Variants in STK38 observed in about 807,000 individuals in gnomAD.
STK38 encodes the protein serine/threonine kinase 38.
Under a neutral mutation model 59.0 loss-of-function variants are expected in STK38, and 26 were observed. The ratio of observed to expected loss-of-function variants is 0.44; its 90% CI spans 0.32 to 0.61. The LOEUF (loss-of-function observed/expected upper bound fraction) is 0.61, where lower values mean the gene tolerates loss of function less well. Among genes scored for constraint, STK38 ranks in the 20% least tolerant of loss-of-function variants. The pLI, the probability that STK38 is intolerant of heterozygous loss-of-function variation, is 0.04. For missense variants in STK38, 433 were observed against 566.0 expected, an observed-to-expected ratio of 0.76 and a Z score of 2.38; for synonymous variants, 175 against 176.6, an observed-to-expected ratio of 0.99 and a Z score of 0.07.
chr6:36,503,853 C>T (rs1318018901), intron 9 of STK38, among the ~76,000 whole-genome samples: 1 of 152,164 alleles, frequency 6.6e-6, no homozygotes, highest in African/African-American at 2.4e-5. Context: ...CGCATTTTAC[C>T]ACACTTTTTA....
intron 8 of STK38, among the ~76,000 whole-genome samples, chr6:36,506,986 A>C (rs1302990068): frequency 1.3e-5 from 2 of 152,136 alleles, no homozygotes; most frequent in Non-Finnish European, 1.5e-5. Context: ...AATTTCTCAA[A>C]ATTACCATCA....
intron 3 of STK38, 50 bp downstream of exon 3, chr6:36,525,541 T>C (rs763410177): frequency 3.8e-6 from 6 of 1,565,934 alleles, no homozygotes; most frequent in Middle Eastern, 1.7e-4. Context: ...CTGGACAAGA[T>C]ACAACCTGCC....
chr6:36,537,856 G>C (rs1023824340), intron 2 of STK38, among the ~76,000 whole-genome samples: 23 of 151,706 alleles, frequency 1.5e-4, no homozygotes, highest in African/African-American at 5.1e-4. Flanking sequence ...CTATGATAGT[G>C]CCACTGCACA....
intron 8 of STK38, 64 bp from the exon 9 acceptor site, chr6:36,506,708 T>C (rs1184898905): frequency 2.0e-6 from 3 of 1,480,252 alleles, no homozygotes; most frequent in Non-Finnish European, 2.8e-6. Context: ...CTTTTTTTAG[T>C]AGGCTCTTTC....
intron 8 of STK38, 23 bp downstream of exon 8, chr6:36,507,477 C>T: frequency 6.2e-7 from 1 of 1,601,706 alleles, no homozygotes; most frequent in Non-Finnish European, 8.6e-7. Flanking sequence ...AACGAAAAGG[C>T]TAACGTAATT....
chr6:36,520,238 T>C (rs554177003), intron 5 of STK38, among the ~76,000 whole-genome samples: 2 of 152,356 alleles, frequency 1.3e-5, no homozygotes, highest in East Asian at 3.9e-4. Flanking sequence ...AATCCATAAG[T>C]TAATGCATCA....
At chr6:36,516,203 G>A (rs921151946) in intron 6 of STK38, among the ~76,000 whole-genome samples, 1 of 152,144 alleles carries the variant, frequency 6.6e-6, no homozygotes, top group Non-Finnish European at 1.5e-5. Flanking sequence ...TTAAAACACA[G>A]TATCAGTATT....
intron 9 of STK38, among the ~76,000 whole-genome samples, chr6:36,500,895 C>G (rs59104483): frequency 2.0e-5 from 3 of 151,804 alleles, no homozygotes; most frequent in East Asian, 1.9e-4. Flanking sequence ...TATCCTATAA[C>G]TTAAACATTT....
chr6:36,527,633 T>C lies in STK38; in HGVS notation c.132-1991A>G, dbSNP rs115040966. 5.8e-3 allele frequency among the ~76,000 whole-genome samples: 883 copies of C among 152,166 alleles called. 8 individuals are homozygous for C. The highest frequency in any genetic ancestry group is 0.02 in the African/African-American group (831 of 41,518). On this transcript the variant is annotated intron_variant, in intron 2 of 13. Coordinates refer to ENST00000229812, the MANE Select transcript of STK38 (RefSeq NM_007271.4). ...TACATGCAGTAATGTTTTTGATCTA[T>C]AGTCTCATAAAACTAAAAGAAGCAA...
chr6:36,534,840 GA>G lies in STK38; in HGVS notation c.131+5231del, dbSNP rs756142387. On this transcript the variant is annotated intron_variant, in intron 2 of 13. Transcript: ENST00000229812. Reference sequence around the variant, plus strand: ...TTCCCAGCTAGTGCACTAAGGCAAGGAAAAAAAAAAAAAAGGTGAATAGATT... The same window carrying G: ...TTCCCAGCTAGTGCACTAAGGCAAGGAAAAAAAAAAAAAGGTGAATAGATT... Among the ~76,000 whole-genome samples, 935 of 119,196 alleles carry G rather than the reference GA, an allele frequency of 7.8e-3. 6 individuals carry two copies. The highest frequency in any genetic ancestry group is 0.019 in the African/African-American group (631 of 32,514). 78.2% of individuals were successfully genotyped at this position (119,196 alleles called of 152,430 possible).
intron 1 of STK38, among the ~76,000 whole-genome samples, chr6:36,545,289 G>GAAAAA (rs58104312): frequency 9.9e-5 from 6 of 60,520 alleles, no homozygotes; most frequent in African/African-American, 2.0e-4. Context: ...ACTCCGTCTG[G>GAAAAA]AAAAAAAAAA....
chr6:36,526,131 C>T (rs1336164655), intron 2 of STK38, among the ~76,000 whole-genome samples: 1 of 152,084 alleles, frequency 6.6e-6, no homozygotes, highest in Non-Finnish European at 1.5e-5. Flanking sequence ...ATGCCCCGCC[C>T]TTAGGTCTAC....
intron 5 of STK38, among the ~76,000 whole-genome samples, chr6:36,520,015 C>CT (rs1252362186): frequency 5.3e-5 from 8 of 152,194 alleles, no homozygotes; most frequent in African/African-American, 1.9e-4. Context: ...TGTACCTCTA[C>CT]TTTGTCAGCC....
At chr6:36,506,553 A>C in intron 9 of STK38, 30 bp downstream of exon 9, 2 of 1,602,432 alleles carry the variant, frequency 1.2e-6, no homozygotes, top group South Asian at 2.2e-5. Context: ...CTTGGTTTGT[A>C]GCATTTCAGA....
chr6:36,537,985 G>T (rs767440416), intron 2 of STK38, among the ~76,000 whole-genome samples: 7 of 152,028 alleles, frequency 4.6e-5, no homozygotes, highest in Non-Finnish European at 1.0e-4. Context: ...CCACTTGTAT[G>T]AAATAGGCAA....
At chr6:36,506,119 T>G (rs1030083522) in intron 9 of STK38, among the ~76,000 whole-genome samples, 3 of 152,184 alleles carry the variant, frequency 2.0e-5, no homozygotes, top group African/African-American at 7.2e-5. Context: ...TAAGTTCTTT[T>G]TTACATCACA....
chr6:36,533,635 T>A (rs1285674321), intron 2 of STK38, among the ~76,000 whole-genome samples: 2 of 152,152 alleles, frequency 1.3e-5, no homozygotes, highest in South Asian at 4.1e-4. Context: ...AAACCATACA[T>A]CATCTTGTTC....
intron 1 of STK38, among the ~76,000 whole-genome samples, chr6:36,546,719 T>C (rs1184048656): frequency 2.0e-5 from 3 of 152,132 alleles, no homozygotes; most frequent in Non-Finnish European, 4.4e-5. Flanking sequence ...CCCAGTATCC[T>C]AAGACTAACG....
intron 1 of STK38, among the ~76,000 whole-genome samples, chr6:36,545,541 T>C (rs2127495081): frequency 1.3e-5 from 2 of 152,288 alleles, no homozygotes; most frequent in East Asian, 3.9e-4. Flanking sequence ...TTGACCTTTC[T>C]TTAAACCCTC....
Sources: allele counts gnomAD v4.1 joint callset (sites outside exome capture counted in the v4.1 genomes callset), GRCh38; gene constraint gnomAD v4.1.1; transcripts MANE v1.5; gene names NCBI Gene and HGNC (gene_info 2026-07-23, HGNC 2026-07-21).